Variants in UBE2E2 observed in about 807,000 individuals in gnomAD.
UBE2E2 encodes the protein ubiquitin conjugating enzyme E2 E2.
Under a neutral mutation model 24.7 loss-of-function variants are expected in UBE2E2, and 6 were observed. That is an observed-to-expected ratio of 0.24 (90% CI 0.13 to 0.48). UBE2E2 has a LOEUF of 0.48. Ranked by LOEUF, UBE2E2 falls within the 20% of genes least tolerant of loss-of-function variation. The pLI, the probability that UBE2E2 is intolerant of heterozygous loss-of-function variation, is 0.99. For synonymous variants in UBE2E2, 104 were observed against 83.6 expected (o/e 1.24, Z -1.33); for missense variants, 169 against 245.0 (o/e 0.69, Z 2.07).
chr3:23,399,035 T>C (rs1697147278), intron 3 of UBE2E2, among the ~76,000 whole-genome samples: 1 of 152,208 alleles, frequency 6.6e-6, no homozygotes, highest in Non-Finnish European at 1.5e-5. Flanking sequence ...TTCATTGCTG[T>C]CGGTTGAAAC....
intron 3 of UBE2E2, among the ~76,000 whole-genome samples, chr3:23,298,617 C>A (rs1404956351): frequency 6.6e-6 from 1 of 151,676 alleles, no homozygotes; most frequent in African/African-American, 2.4e-5. Flanking sequence ...TTGAACCAGC[C>A]TTGCATCCCA....
intron 3 of UBE2E2, among the ~76,000 whole-genome samples, chr3:23,408,104 G>A (rs1041235349): frequency 6.6e-6 from 1 of 152,138 alleles, no homozygotes; most frequent in Non-Finnish European, 1.5e-5. Flanking sequence ...TAGAAGAAAA[G>A]TAAGCTGTGT....
chr3:23,234,236 T>A (rs1697041934), intron 3 of UBE2E2, among the ~76,000 whole-genome samples: 1 of 152,154 alleles, frequency 6.6e-6, no homozygotes, highest in African/African-American at 2.4e-5. Context: ...TTCTCCAGTT[T>A]GCCATCATTT....
At chr3:23,373,894 A>G (rs1008420833) in intron 3 of UBE2E2, among the ~76,000 whole-genome samples, 1 of 152,198 alleles carries the variant, frequency 6.6e-6, no homozygotes, top group Non-Finnish European at 1.5e-5. Flanking sequence ...AACATATGTC[A>G]TTAAGTAAAG....
Position 23,203,392 on chromosome 3 carries a change from C to G in UBE2E2, c.-81C>G, listed in dbSNP as rs942763097. On this transcript the variant is annotated 5_prime_UTR_variant, in exon 1 of 6. Transcript: ENST00000396703. ...CCTGGGGCCTCCCCAGTCTCCCTCC[C>G]CCTCGCGCCTGGGCAGCTCTCTCCC... 3.3e-5 allele frequency: 33 copies of G among 985,560 alleles called. No homozygotes were observed. The highest frequency in any genetic ancestry group is 3.7e-5 in the Non-Finnish European group (31 of 830,226). The allele number at this position is 985,560 out of a possible 1,614,324, so 61.1% of individuals were successfully genotyped here. A position where few individuals can be genotyped will look rare whatever the true frequency, so the allele number is the denominator to read the frequency against.
intron 3 of UBE2E2, among the ~76,000 whole-genome samples, chr3:23,453,830 G>A (rs1698618983): frequency 6.6e-6 from 1 of 152,116 alleles, no homozygotes; most frequent in African/African-American, 2.4e-5. Flanking sequence ...TCTCTTCATT[G>A]TGAAGATGTT....
chr3:23,289,096 G>A (rs188944326), intron 3 of UBE2E2, among the ~76,000 whole-genome samples: 9 of 152,192 alleles, frequency 5.9e-5, no homozygotes, highest in African/African-American at 1.7e-4. Flanking sequence ...TGATGTTCCT[G>A]CAGGGAGGAC....
intron 3 of UBE2E2, among the ~76,000 whole-genome samples, chr3:23,371,618 G>A (rs1696401153): frequency 6.6e-6 from 1 of 152,134 alleles, no homozygotes; most frequent in East Asian, 1.9e-4. Context: ...TAGGTGCTGG[G>A]GTGGGAGGGA....
chr3:23,523,187 A>T lies in UBE2E2; in HGVS notation c.361-9367A>T, dbSNP rs374418801. 2.6e-5 allele frequency among the ~76,000 whole-genome samples: 4 copies of T among 152,312 alleles called. No individual in the cohort carries two copies. The East Asian group carries it at 5.8e-4, about 22-fold the overall frequency. ...ACTGAATTTTTATAAATTGCAAAAG[A>T]AGGAATCTGTTTGCCCCTTATCAAG... is the stretch of plus-strand genomic sequence containing the variant. On this transcript the variant is annotated intron_variant, in intron 4 of 5. Transcript: ENST00000396703.
chr3:23,583,237 G>A lies in UBE2E2; in HGVS notation c.509-6497G>A, dbSNP rs993283547. Among the ~76,000 whole-genome samples, 4 of 152,194 alleles carry A rather than the reference G, an allele frequency of 2.6e-5. No homozygotes were observed. The highest frequency in any genetic ancestry group is 4.2e-4 in the South Asian group (2 of 4,816). On this transcript the variant is annotated intron_variant, in intron 5 of 5. Transcript: ENST00000396703. The surrounding 1 kb of genome is among the most constrained non-coding windows in gnomAD (Gnocchi z 4.1). ...CAGCTTTGTCAAAGATCAGATGGTC[G>A]TAAATATGTGGCATTATTTCTGGGC...
At chr3:23,257,521 C>G (rs1237627353) in intron 3 of UBE2E2, among the ~76,000 whole-genome samples, 2 of 66,308 alleles carry the variant, frequency 3.0e-5, no homozygotes, top group East Asian at 5.5e-4. Context: ...TGCCCCCCCC[C>G]CCCCCCCACT....
At chr3:23,571,280 C>CT (rs59243406) in intron 5 of UBE2E2, among the ~76,000 whole-genome samples, 902 of 29,828 alleles carry the variant, frequency 0.03, 320 homozygotes, top group Non-Finnish European at 0.042. Flanking sequence ...GTGCTCCTTT[C>CT]TTTTTTTTTT....
chr3:23,483,982 C>T (rs1434249699), intron 3 of UBE2E2, among the ~76,000 whole-genome samples: 1 of 152,104 alleles, frequency 6.6e-6, no homozygotes, highest in South Asian at 2.1e-4. Context: ...ACTTAATGAC[C>T]CCAAAAGACC....
At chr3:23,312,820 T>G (rs1694448573) in intron 3 of UBE2E2, among the ~76,000 whole-genome samples, 1 of 152,186 alleles carries the variant, frequency 6.6e-6, no homozygotes, top group Non-Finnish European at 1.5e-5. Flanking sequence ...AAGAAAGTTT[T>G]CAATTTTCTT....
At chr3:23,323,892 T>G (rs1694814734) in intron 3 of UBE2E2, among the ~76,000 whole-genome samples, 1 of 152,164 alleles carries the variant, frequency 6.6e-6, no homozygotes, top group African/African-American at 2.4e-5. Context: ...CATGATTGAT[T>G]ATTGAGCTCC....
chr3:23,497,618 T>G lies in UBE2E2; in HGVS notation c.228-1990T>G, dbSNP rs370328530. On this transcript the variant is annotated intron_variant, in intron 3 of 5. Coordinates refer to ENST00000396703, the MANE Select transcript of UBE2E2 (RefSeq NM_152653.4). ...GGTATAATTTTAACTTTGTAAGAGA[T>G]CGGTATATATTTTCTGGTAGTAAAT... is the stretch of plus-strand genomic sequence containing the variant. Among the ~76,000 whole-genome samples, 47 of 152,296 alleles carry G rather than the reference T, an allele frequency of 3.1e-4. 1 individual carries two copies. The East Asian group carries it at 8.9e-3, about 29-fold the overall frequency.
intron 3 of UBE2E2, among the ~76,000 whole-genome samples, chr3:23,225,965 C>T (rs559966989): frequency 1.1e-3 from 166 of 152,158 alleles, no homozygotes; most frequent in African/African-American, 3.4e-3. Context: ...CTGCAACCTC[C>T]GCCTCCCAGG....
chr3:23,427,123 A>G (rs1288505435), intron 3 of UBE2E2, among the ~76,000 whole-genome samples: 1 of 152,034 alleles, frequency 6.6e-6, no homozygotes, highest in Non-Finnish European at 1.5e-5. Flanking sequence ...CATTTTTCAA[A>G]AAGTTAAAGA....
intron 3 of UBE2E2, among the ~76,000 whole-genome samples, chr3:23,319,047 TGA>T (rs1230116096): frequency 6.6e-6 from 1 of 152,204 alleles, no homozygotes; most frequent in African/African-American, 2.4e-5. Flanking sequence ...TATATTAAAT[TGA>T]GAGAAACTGA....
Sources: gnomAD v4.1 joint callset for allele counts (sites outside exome capture counted in the v4.1 genomes callset) on GRCh38, gnomAD v4.1.1 for gene constraint, Gnocchi (gnomAD v3.1) non-coding constraint, MANE v1.5 for transcripts, NCBI Gene and HGNC (gene_info 2026-07-23, HGNC 2026-07-21) for gene names.